WDR88: variants seen among roughly 807,000 people sequenced by gnomAD.
The protein encoded by WDR88 is WD repeat domain 88, also known as WD repeat-containing protein 88.
In WDR88, 40 loss-of-function variants were observed where a neutral mutation model predicts 46.8. That is an observed-to-expected ratio of 0.86 (90% CI 0.66 to 1.11). The LOEUF (loss-of-function observed/expected upper bound fraction) is 1.11, where lower values mean the gene tolerates loss of function less well. Among genes scored for constraint, WDR88 ranks in the 50% most tolerant of loss-of-function variants. The probability of loss-of-function intolerance (pLI) is 0.00; values close to 1 mark genes in which losing one functional copy is unlikely to be tolerated. For synonymous variants in WDR88, 235 were observed against 240.7 expected, an observed-to-expected ratio of 0.98 and a Z score of 0.22; for missense variants, 562 against 602.4, an observed-to-expected ratio of 0.93 and a Z score of 0.70.
In WDR88 at chr19:33,175,594, G is replaced by A. The variant is rs1256469918; in HGVS notation, c.*22G>A. 1 of 1,613,610 alleles carries A rather than the reference G, an allele frequency of 6.2e-7. No individual in the cohort carries two copies. The highest frequency in any genetic ancestry group is 8.5e-7 in the Non-Finnish European group (1 of 1,179,880). On this transcript the variant is annotated 3_prime_UTR_variant, in exon 11 of 11. Coordinates refer to ENST00000355868, the MANE Select transcript of WDR88 (RefSeq NM_173479.4). The stretch of plus-strand genomic sequence containing the variant: ...CTGACAGCCACAGGCCCCTTTGAGT[G>A]ACTCCAGCACAGGCTACCTAGCATG...
chr19:33,172,386 T>C lies in WDR88; in HGVS notation c.1188T>C (p.Asp396=). The change falls in exon 10 of 11, where the codon GAT becomes GAC. Residue 396 remains aspartate, a synonymous_variant. Coordinates refer to ENST00000355868, the MANE Select transcript of WDR88 (RefSeq NM_173479.4). The stretch of plus-strand genomic sequence containing the variant: ...GACTGTGGAATATTGAAGAAATTGA[T>C]GAAATTCCTTTGGTAATCAAGTACA... ...TMRLWNIEEI[D]EIPLVIKYKK... The C allele has an allele frequency of 6.2e-7, 1 of 1,614,092 alleles. No individual in the cohort carries two copies. Among genetic ancestry groups the C allele is most frequent in the Non-Finnish European group, 8.5e-7 (1 of 1,179,996 alleles).
intron 2 of WDR88, among the ~76,000 whole-genome samples, chr19:33,140,027 G>A (rs202019411): frequency 1.0e-3 from 154 of 152,212 alleles, no homozygotes; most frequent in South Asian, 9.3e-3. Flanking sequence ...CTCCACTCCC[G>A]CCCTCCGTAG....
At chr19:33,141,796 T>C (rs1191828628) in intron 2 of WDR88, among the ~76,000 whole-genome samples, 1 of 152,178 alleles carries the variant, frequency 6.6e-6, no homozygotes, top group Non-Finnish European at 1.5e-5. Flanking sequence ...TTCTCCTGCC[T>C]CAGCCTCCCA....
At chr19:33,163,690 T>G (rs1862388110) in intron 8 of WDR88, among the ~76,000 whole-genome samples, 1 of 149,670 alleles carries the variant, frequency 6.7e-6, no homozygotes, top group Non-Finnish European at 1.5e-5. Context: ...CAGGCTGGAG[T>G]GCATGATCAT....
At chr19:33,149,816 C>T (rs112076840) in intron 5 of WDR88, among the ~76,000 whole-genome samples, 5 of 151,938 alleles carry the variant, frequency 3.3e-5, no homozygotes, top group African/African-American at 4.8e-5. Flanking sequence ...CCCACCACCA[C>T]GCCCAGCTAA....
At chr19:33,147,773 C>G (rs2145383422) in intron 4 of WDR88, 65 bp downstream of exon 4, 1 of 1,504,462 alleles carries the variant, frequency 6.6e-7, no homozygotes, top group East Asian at 2.3e-5. Flanking sequence ...CCTCAGGCAG[C>G]TTTGGGTTGG....
intron 9 of WDR88, among the ~76,000 whole-genome samples, chr19:33,164,621 A>G (rs1973924890): frequency 6.6e-6 from 1 of 152,154 alleles, no homozygotes; most frequent in African/African-American, 2.4e-5. Flanking sequence ...CCTTTCCTGC[A>G]GCACTGCATC....
At chr19:33,140,371 G>A (rs1973364799) in intron 2 of WDR88, among the ~76,000 whole-genome samples, 1 of 152,076 alleles carries the variant, frequency 6.6e-6, no homozygotes, top group Non-Finnish European at 1.5e-5. Flanking sequence ...CATTGCCCAG[G>A]CTAGTCTCAA....
chr19:33,143,225 C>T (rs1290283187), intron 2 of WDR88, among the ~76,000 whole-genome samples: 1 of 150,682 alleles, frequency 6.6e-6, no homozygotes, highest in Non-Finnish European at 1.5e-5. Context: ...GTCCCAGCTA[C>T]TCGGGAAGTT....
At chr19:33,157,699 A>ATGTGTGTGTG in intron 7 of WDR88, among the ~76,000 whole-genome samples, 2 of 5,702 alleles carry the variant, frequency 3.5e-4, no homozygotes, top group Non-Finnish European at 1.5e-3. Context: ...ATATATATAT[A>ATGTGTGTGTG]TATATATATA....
intron 10 of WDR88, chr19:33,174,083 C>T (rs1248645685): frequency 7.5e-7 from 1 of 1,334,620 alleles, no homozygotes; most frequent in South Asian, 1.3e-5. Flanking sequence ...AACTCCTGAG[C>T]TCAAGTGATC....
intron 10 of WDR88, among the ~76,000 whole-genome samples, chr19:33,172,956 GT>G (rs1223477752): frequency 2.6e-5 from 4 of 151,898 alleles, no homozygotes; most frequent in African/African-American, 9.7e-5. Flanking sequence ...GCCAGGCTTG[GT>G]GGTGCACACC....
At chr19:33,174,199 C>G (rs1012469906) in intron 10 of WDR88, 2 of 1,536,490 alleles carry the variant, frequency 1.3e-6, no homozygotes, top group Non-Finnish European at 8.7e-7. Context: ...AAGAGGCCTA[C>G]CTGAAGCTGA....
At position 33,175,488 on chromosome 19, in the gene WDR88, G is replaced by A. The variant is rs182557611; in HGVS notation, c.1335G>A (p.Arg445=). 28 of 1,614,190 alleles carry A rather than the reference G, an allele frequency of 1.7e-5. No homozygotes were observed. In the African/African-American group the frequency reaches 3.1e-4, roughly 18 times the overall value. ...TQCVFCRIDT[R]GLPADTSSSS... ...GCGTGTTCTGCCGGATAGATACAAG[G>A]GGCTTGCCAGCAGATACTTCATCGT... The change falls in exon 11 of 11, where the codon AGG becomes AGA. Residue 445 remains arginine (R), a synonymous_variant. Coordinates refer to ENST00000355868, the MANE Select transcript of WDR88 (RefSeq NM_173479.4).
chr19:33,151,423 T>C, intron 6 of WDR88, 113 bp downstream of exon 6: 1 of 1,364,070 alleles, frequency 7.3e-7, no homozygotes, highest in African/African-American at 1.4e-5. Context: ...AGCTTGGTCA[T>C]AGGTGCTCTG....
chr19:33,137,136 TACAG>T (rs923614249), intron 1 of WDR88, among the ~76,000 whole-genome samples: 1 of 150,234 alleles, frequency 6.7e-6, no homozygotes, highest in Non-Finnish European at 1.5e-5. Context: ...TCCAATTTTG[TACAG>T]ACAGTCTCAC....
intron 10 of WDR88, chr19:33,174,161 A>T: frequency 6.5e-7 from 1 of 1,535,954 alleles, no homozygotes; most frequent in Non-Finnish European, 8.7e-7. Context: ...ACTGGGATCT[A>T]ATCTATTTCT....
rs754021623 is a variant in WDR88, at chr19:33,137,806, G to A, written c.387+19G>A. The A allele has an allele frequency of 6.2e-7, 1 of 1,607,136 alleles. No individual in the cohort carries two copies. The highest frequency in any genetic ancestry group is 8.5e-7 in the Non-Finnish European group (1 of 1,175,932). ...GCTGTGGGTAGGTGGCCGGCTGTTA[G>A]GTACTCCTGGAGCGAAAACCTTTCC... On this transcript the variant is annotated intron_variant, in intron 2 of 10. Transcript: ENST00000355868.
At chr19:33,163,641 C>CTTTT (rs557195235) in intron 8 of WDR88, among the ~76,000 whole-genome samples, 4 of 140,024 alleles carry the variant, frequency 2.9e-5, no homozygotes, top group African/African-American at 1.0e-4. Flanking sequence ...CTGCTCTTTC[C>CTTTT]TTTTTTTTTT....
Sources: gnomAD v4.1 joint callset for allele counts (sites outside exome capture counted in the v4.1 genomes callset) on GRCh38, gnomAD v4.1.1 for gene constraint, MANE v1.5 for transcripts, NCBI Gene and HGNC (gene_info 2026-07-23, HGNC 2026-07-21) for gene names.